The following ESRRG variants were observed in gnomAD, a reference collection of about 807,000 sequenced individuals.
The protein encoded by ESRRG is estrogen related receptor gamma, also known as estrogen-related receptor gamma.
ESRRG carries 13 observed loss-of-function variants against 44.0 expected under a neutral mutation model. That is an observed-to-expected ratio of 0.30 (90% CI 0.19 to 0.47). The LOEUF (loss-of-function observed/expected upper bound fraction) is 0.47. Among genes scored for constraint, ESRRG ranks in the 20% least tolerant of loss-of-function variants. The probability of loss-of-function intolerance (pLI) is 1.00; values close to 1 mark genes in which losing one functional copy is unlikely to be tolerated. For missense variants in ESRRG, 395 were observed against 580.6 expected, an observed-to-expected ratio of 0.68 and a Z score of 3.29; for synonymous variants, 215 against 214.6, an observed-to-expected ratio of 1.00 and a Z score of -0.02.
intron 1 of ESRRG, among the ~76,000 whole-genome samples, chr1:216,951,890 C>CAT (rs59850514): frequency 0.15 from 22,920 of 149,324 alleles, 1,852 homozygotes; most frequent in Middle Eastern, 0.27. Context: ...CATATGTTTG[C>CAT]ATATATATAT....
chr1:217,123,590 C>T (rs1227914271), intron 1 of ESRRG, among the ~76,000 whole-genome samples: 2 of 152,088 alleles, frequency 1.3e-5, no homozygotes, highest in Admixed American at 6.5e-5. Flanking sequence ...AGAATGAGAT[C>T]ATGTCCTTCG....
chr1:217,120,262 ATATTT>A (rs202211132), intron 1 of ESRRG, among the ~76,000 whole-genome samples: 3,358 of 150,458 alleles, frequency 0.022, 132 homozygotes, highest in African/African-American at 0.078. Context: ...CATCCTAGAA[ATATTT>A]TATTTTATTT....
At chr1:217,050,282 C>T (rs914474379) in intron 1 of ESRRG, among the ~76,000 whole-genome samples, 10 of 152,058 alleles carry the variant, frequency 6.6e-5, no homozygotes, top group South Asian at 2.1e-4. Context: ...TAAAATGAGA[C>T]GCAGTCCAAC....
At chr1:216,529,253 C>A (rs958873635) in intron 5 of ESRRG, among the ~76,000 whole-genome samples, 1 of 152,010 alleles carries the variant, frequency 6.6e-6, no homozygotes, top group African/African-American at 2.4e-5. Context: ...AAGCAGGAAC[C>A]AAAAACATTT....
At chr1:216,918,570 A>G (rs1475572449) in intron 2 of ESRRG, among the ~76,000 whole-genome samples, 2 of 152,134 alleles carry the variant, frequency 1.3e-5, no homozygotes, top group Non-Finnish European at 2.9e-5. Context: ...TCCTGTCTCT[A>G]GAGACTTCTT....
At chr1:216,677,970 A>G (rs1318856651) in intron 1 of ESRRG, among the ~76,000 whole-genome samples, 11 of 152,204 alleles carry the variant, frequency 7.2e-5, no homozygotes, top group Admixed American at 2.6e-4. Context: ...TGCTGCAATC[A>G]TTTTATTATG....
chr1:216,602,203 T>C (rs1334337660), intron 3 of ESRRG, among the ~76,000 whole-genome samples: 1 of 152,190 alleles, frequency 6.6e-6, no homozygotes, highest in African/African-American at 2.4e-5. Flanking sequence ...TCAGGGATTT[T>C]GTAGAATCAC....
intron 1 of ESRRG, among the ~76,000 whole-genome samples, chr1:217,031,916 CTT>C (rs2151028306): frequency 6.6e-6 from 1 of 152,284 alleles, no homozygotes; most frequent in Non-Finnish European, 1.5e-5. Context: ...AATTAAAACT[CTT>C]TTCTTTATAA....
At chr1:216,777,644 A>C (rs186947861) in intron 2 of ESRRG, among the ~76,000 whole-genome samples, 1 of 152,196 alleles carries the variant, frequency 6.6e-6, no homozygotes, top group East Asian at 1.9e-4. Flanking sequence ...TCAGTTTCCT[A>C]ATCTTTAAAA....
At chr1:216,564,557 A>T (rs778391959) in intron 4 of ESRRG, among the ~76,000 whole-genome samples, 177 bp from the exon 5 acceptor site, 1 of 152,118 alleles carries the variant, frequency 6.6e-6, no homozygotes, top group Non-Finnish European at 1.5e-5. Context: ...TCATAGCAAG[A>T]CATATGCCAC....
chr1:216,903,196 A>G (rs1017749622), intron 2 of ESRRG, among the ~76,000 whole-genome samples: 2 of 152,120 alleles, frequency 1.3e-5, no homozygotes, highest in Non-Finnish European at 2.9e-5. Flanking sequence ...TCTAGCATAG[A>G]CTGCCAGTGC....
At chr1:216,957,394 T>C (rs910706368) in intron 1 of ESRRG, among the ~76,000 whole-genome samples, 2 of 152,204 alleles carry the variant, frequency 1.3e-5, no homozygotes, top group Admixed American at 1.3e-4. Flanking sequence ...TTTATTTGGA[T>C]CGAATATGCA....
At chr1:217,105,075 AC>A (rs1423172566) in intron 1 of ESRRG, among the ~76,000 whole-genome samples, 2 of 152,140 alleles carry the variant, frequency 1.3e-5, no homozygotes, top group East Asian at 3.9e-4. Flanking sequence ...CACCAAAACC[AC>A]ATGCAAATTT....
chr1:217,084,682 A>G (rs190549430), intron 1 of ESRRG, among the ~76,000 whole-genome samples: 2 of 152,332 alleles, frequency 1.3e-5, no homozygotes, highest in African/African-American at 4.8e-5. Context: ...TAGGGAAAGT[A>G]AAATGAGCAA....
chr1:216,857,884 A>T, intron 2 of ESRRG, among the ~76,000 whole-genome samples: 1 of 152,194 alleles, frequency 6.6e-6, no homozygotes, highest in East Asian at 1.9e-4. Context: ...TTGTTAAAAA[A>T]CTTTTCAAAT....
At chr1:216,871,221 C>G (rs940726956) in intron 2 of ESRRG, among the ~76,000 whole-genome samples, 2 of 152,040 alleles carry the variant, frequency 1.3e-5, no homozygotes, top group South Asian at 4.1e-4. Context: ...TTCTAATCCC[C>G]TGAGACTTCA....
intron 3 of ESRRG, among the ~76,000 whole-genome samples, chr1:216,568,762 G>A (rs1267475882): frequency 6.6e-6 from 1 of 152,124 alleles, no homozygotes; most frequent in Admixed American, 6.5e-5. Context: ...ATAGAAAGGG[G>A]AGCTTCCTAG....
At chr1:216,862,173 T>C (rs1337185118) in intron 2 of ESRRG, 1 of 151,964 alleles carries the variant, frequency 6.6e-6, no homozygotes, top group African/African-American at 2.4e-5. Flanking sequence ...TGTTCTCAGG[T>C]TTTTACCAAA....
At chr1:216,666,688 C>G (rs2074005789) in intron 2 of ESRRG, among the ~76,000 whole-genome samples, 1 of 152,180 alleles carries the variant, frequency 6.6e-6, no homozygotes. Flanking sequence ...TGGGGAAAGT[C>G]CAGTGATCTG....
Sources: allele counts gnomAD v4.1 joint callset (sites outside exome capture counted in the v4.1 genomes callset), GRCh38; gene constraint gnomAD v4.1.1; transcripts MANE v1.5; gene names NCBI Gene and HGNC (gene_info 2026-07-23, HGNC 2026-07-21).